SHISA9: variants seen among roughly 807,000 people sequenced by gnomAD.
SHISA9 encodes shisa family member 9.
SHISA9 carries 13 observed loss-of-function variants against 38.0 expected under a neutral mutation model. The ratio of observed to expected loss-of-function variants is 0.34; its 90% CI spans 0.22 to 0.54. The LOEUF (loss-of-function observed/expected upper bound fraction) is 0.54, where lower values mean the gene tolerates loss of function less well. Among genes scored for constraint, SHISA9 ranks in the 20% least tolerant of loss-of-function variants. SHISA9 has a pLI of 0.91. For missense variants in SHISA9, 538 were observed against 575.8 expected, an observed-to-expected ratio of 0.93 and a Z score of 0.67; for synonymous variants, 275 against 242.0, an observed-to-expected ratio of 1.14 and a Z score of -1.27.
intron 2 of SHISA9, among the ~76,000 whole-genome samples, chr16:13,140,101 C>T (rs965041035): frequency 4.8e-5 from 1 of 20,850 alleles, no homozygotes; most frequent in Admixed American, 3.9e-4. Context: ...CTTCCCTTCC[C>T]TTCCCTTCCC....
chr16:12,939,239 A>T (rs2071576913), intron 2 of SHISA9, among the ~76,000 whole-genome samples: 1 of 151,856 alleles, frequency 6.6e-6, no homozygotes. Context: ...GCTCACCACC[A>T]CGCCTGGCTA....
chr16:13,063,622 A>C (rs1427549540), intron 2 of SHISA9, among the ~76,000 whole-genome samples: 1 of 152,164 alleles, frequency 6.6e-6, no homozygotes, highest in Non-Finnish European at 1.5e-5. Flanking sequence ...GGAAAGCGAG[A>C]TATTTCTATT....
intron 4 of SHISA9, among the ~76,000 whole-genome samples, chr16:13,217,054 G>A (rs147518724): frequency 3.3e-5 from 5 of 151,570 alleles, no homozygotes; most frequent in African/African-American, 7.3e-5. Flanking sequence ...GGCGGATAAC[G>A]AGGTCAGAGG....
chr16:13,422,104 G>GCACTC, the SHISA9 span, among the ~76,000 whole-genome samples: 2 of 152,242 alleles, frequency 1.3e-5, no homozygotes, highest in Non-Finnish European at 2.9e-5. Context: ...ACAGGAGAGA[G>GCACTC]CACTCTCAAA....
the SHISA9 span, among the ~76,000 whole-genome samples, chr16:13,358,175 G>A: frequency 2.0e-5 from 3 of 152,230 alleles, no homozygotes; most frequent in Admixed American, 1.3e-4. Flanking sequence ...GCTATGATTG[G>A]TAGTGACTAT....
At chr16:13,144,234 C>A (rs181870480) in intron 2 of SHISA9, among the ~76,000 whole-genome samples, 8 of 151,376 alleles carry the variant, frequency 5.3e-5, no homozygotes, top group African/African-American at 1.9e-4. Context: ...CTCACTGCAA[C>A]CTCTGTCTCC....
chr16:13,345,112 T>A, the SHISA9 span, among the ~76,000 whole-genome samples: 3,239 of 152,290 alleles, frequency 0.021, 119 homozygotes, highest in African/African-American at 0.073. Context: ...TTCTTTTTTT[T>A]AAATTTTATT....
At chr16:13,559,641 C>T in the SHISA9 span, among the ~76,000 whole-genome samples, 1 of 152,162 alleles carries the variant, frequency 6.6e-6, no homozygotes, top group Non-Finnish European at 1.5e-5. Flanking sequence ...CCTCGGCCTC[C>T]CAAAGTGTTG....
intron 2 of SHISA9, among the ~76,000 whole-genome samples, chr16:12,999,151 G>A (rs1320070219): frequency 6.6e-6 from 1 of 152,098 alleles, no homozygotes; most frequent in Non-Finnish European, 1.5e-5. Flanking sequence ...TTCTTTATAA[G>A]GCACATCACA....
chr16:13,445,308 G>A, the SHISA9 span, among the ~76,000 whole-genome samples: 1 of 152,110 alleles, frequency 6.6e-6, no homozygotes, highest in African/African-American at 2.4e-5. Context: ...CAGCACAAAG[G>A]AGGTTCTCAA....
the SHISA9 span, among the ~76,000 whole-genome samples, chr16:13,358,731 C>A: frequency 6.6e-6 from 1 of 152,256 alleles, no homozygotes; most frequent in Admixed American, 6.5e-5. Context: ...TATACCTGAC[C>A]AACATAAGAC....
the SHISA9 span, among the ~76,000 whole-genome samples, chr16:13,545,869 T>C: frequency 1.3e-5 from 2 of 152,208 alleles, no homozygotes; most frequent in Non-Finnish European, 2.9e-5. Context: ...CCACAATGAT[T>C]GGTTCAGGGA....
At chr16:13,224,143 A>G (rs577918798) in intron 4 of SHISA9, among the ~76,000 whole-genome samples, 1 of 152,362 alleles carries the variant, frequency 6.6e-6, no homozygotes, top group East Asian at 1.9e-4. Context: ...CACTTAAGAA[A>G]GGTGAGCAAT....
At chr16:13,246,130 T>G in the SHISA9 span, among the ~76,000 whole-genome samples, 105,019 of 152,058 alleles carry the variant, frequency 0.69, 36,844 homozygotes, top group African/African-American at 0.82. Flanking sequence ...GCTTGGCTGC[T>G]TCCCCACCCA....
At chr16:13,245,488 T>C in the SHISA9 span, among the ~76,000 whole-genome samples, 8 of 152,210 alleles carry the variant, frequency 5.3e-5, no homozygotes, top group Non-Finnish European at 1.2e-4. Flanking sequence ...AAATAATAGA[T>C]AAAAAGACAG....
the SHISA9 span, among the ~76,000 whole-genome samples, chr16:13,476,745 T>G: frequency 1.8e-5 from 2 of 110,434 alleles, no homozygotes; most frequent in Non-Finnish European, 3.5e-5. Context: ...TGTGTTTTTT[T>G]TTTTTTTTTT....
At chr16:13,528,420 A>C in the SHISA9 span, among the ~76,000 whole-genome samples, 1 of 152,144 alleles carries the variant, frequency 6.6e-6, no homozygotes, top group Non-Finnish European at 1.5e-5. Flanking sequence ...TTCAAAAAAA[A>C]AAATAAGAAA....
At chr16:13,099,643 GAA>G (rs1246578051) in intron 2 of SHISA9, among the ~76,000 whole-genome samples, 2 of 152,158 alleles carry the variant, frequency 1.3e-5, no homozygotes, top group African/African-American at 4.8e-5. Context: ...TAAAATCAGT[GAA>G]GAGTGTAGCA....
the SHISA9 span, among the ~76,000 whole-genome samples, chr16:13,541,019 G>A: frequency 6.6e-6 from 1 of 152,180 alleles, no homozygotes; most frequent in Non-Finnish European, 1.5e-5. Context: ...CTACCCGGGT[G>A]TCGGGATTCC....
Sources: gnomAD v4.1 joint callset for allele counts (sites outside exome capture counted in the v4.1 genomes callset) on GRCh38, gnomAD v4.1.1 for gene constraint, MANE v1.5 for transcripts, NCBI Gene and HGNC (gene_info 2026-07-23, HGNC 2026-07-21) for gene names.